Variants in FGD4 observed in about 807,000 individuals in gnomAD.
FGD4 encodes the protein FYVE, RhoGEF and PH domain containing 4.
A neutral mutation model predicts 102.0 loss-of-function variants in FGD4; 42 were observed. The ratio of observed to expected loss-of-function variants is 0.41; its 90% confidence interval spans 0.32 to 0.53. FGD4 has a LOEUF of 0.53. Among genes scored for constraint, FGD4 ranks in the 20% least tolerant of loss-of-function variants. The pLI is 0.21. For missense variants in FGD4, 902 were observed against 1,078.2 expected (o/e 0.84, Z 2.29); for synonymous variants, 380 against 375.7 (o/e 1.01, Z -0.13).
intron 1 of FGD4, among the ~76,000 whole-genome samples, chr12:32,474,797 CG>C (rs1943545031): frequency 6.6e-6 from 1 of 151,910 alleles, no homozygotes; most frequent in African/African-American, 2.4e-5. Context: ...CCCAGCTACT[CG>C]GAGGCTGAGG....
intron 1 of FGD4, among the ~76,000 whole-genome samples, chr12:32,401,480 C>T (rs1217678239): frequency 7.8e-4 from 119 of 151,912 alleles, no homozygotes; most frequent in African/African-American, 2.8e-3. Flanking sequence ...AGGCTGGTCT[C>T]GAACTCCTGA....
At chr12:32,508,186 G>A (rs561861619) in intron 1 of FGD4, among the ~76,000 whole-genome samples, 1 of 152,342 alleles carries the variant, frequency 6.6e-6, no homozygotes, top group East Asian at 1.9e-4. Flanking sequence ...AAAGCAAGGA[G>A]ATATGATGGG....
Position 32,625,362 on chromosome 12 carries a change from C to T in FGD4, c.2047-292C>T, listed in dbSNP as rs11052111. Among the ~76,000 whole-genome samples, 22,542 of 150,602 alleles carry T rather than the reference C, an allele frequency of 0.15. 1,960 individuals are homozygous for T. The highest frequency in any genetic ancestry group is 0.26 in the Middle Eastern group (76 of 294). On this transcript the variant is annotated intron_variant, in intron 13 of 16. Coordinates refer to ENST00000534526, the MANE Select transcript of FGD4 (RefSeq NM_001370298.3). The stretch of plus-strand genomic sequence containing the variant: ...TTGGCTCACTGCAAACTCCGCCTCC[C>T]GGGTTCAAGCGATTTTCCTGCCTTA...
chr12:32,531,242 C>T (rs1007033002), intron 1 of FGD4, among the ~76,000 whole-genome samples: 1 of 152,062 alleles, frequency 6.6e-6, no homozygotes, highest in African/African-American at 2.4e-5. Context: ...AGCCACTCCA[C>T]CCGGCCCTCC....
Position 32,563,249 on chromosome 12 carries a change from C to T in FGD4, c.167-888C>T, listed in dbSNP as rs529113707. ...GGGGCTCCTCACTTCTCAGACGGGG[C>T]GGTTGCCAGGCGGAGGGTCTCCTCA... is the stretch of plus-strand genomic sequence containing the variant. On this transcript the variant is annotated intron_variant, in intron 1 of 16. Transcript: ENST00000534526. Among the ~76,000 whole-genome samples the T allele has an allele frequency of 3.5e-3, 511 of 144,262 alleles. 2 individuals carry two copies. Among genetic ancestry groups the T allele is most frequent in the African/African-American group, 0.013 (486 of 38,332 alleles). 94.6% of individuals were successfully genotyped at this position (144,262 alleles called of 152,430 possible).
At chr12:32,608,898 A>T (rs888200112) in intron 8 of FGD4, among the ~76,000 whole-genome samples, 2 of 152,024 alleles carry the variant, frequency 1.3e-5, no homozygotes, top group Non-Finnish European at 1.5e-5. Flanking sequence ...TTTTCTTTTT[A>T]AATTATTATT....
intron 1 of FGD4, among the ~76,000 whole-genome samples, chr12:32,408,549 T>G (rs1941054160): frequency 6.6e-6 from 1 of 152,168 alleles, no homozygotes; most frequent in Non-Finnish European, 1.5e-5. Flanking sequence ...GTGATCCACC[T>G]GCCTCGACCT....
intron 1 of FGD4, among the ~76,000 whole-genome samples, chr12:32,557,942 A>G (rs1944251702): frequency 6.6e-6 from 1 of 152,208 alleles, no homozygotes; most frequent in Non-Finnish European, 1.5e-5. Flanking sequence ...GTTTTACAGT[A>G]GAGAAACCTG....
chr12:32,612,415 A>G (rs1055754899), intron 10 of FGD4, among the ~76,000 whole-genome samples: 1 of 152,218 alleles, frequency 6.6e-6, no homozygotes, highest in Non-Finnish European at 1.5e-5. Flanking sequence ...CCGAATGGGC[A>G]GAATGAGCCC....
chr12:32,447,011 A>T (rs1248051001), intron 1 of FGD4, among the ~76,000 whole-genome samples: 1 of 152,238 alleles, frequency 6.6e-6, no homozygotes, highest in African/African-American at 2.4e-5. Context: ...TCCAGGTAAC[A>T]AAAGGATAAG....
chr12:32,453,863 A>G (rs74072393), intron 1 of FGD4, among the ~76,000 whole-genome samples: 3,594 of 152,198 alleles, frequency 0.024, 150 homozygotes, highest in African/African-American at 0.082. Flanking sequence ...TGTTGAATGA[A>G]TGGATCAAAA....
rs1406010119 is a variant in FGD4 at position 32,501,144 on chromosome 12, T to C, written c.167-62993T>C. On this transcript the variant is annotated intron_variant, in intron 1 of 16. Coordinates refer to ENST00000534526, the MANE Select transcript of FGD4 (RefSeq NM_001370298.3). Reference sequence around the variant, plus strand: ...ATGGCTTACTACAGCCTTGGCCTCCTGGGCCCAAGCAATCCTCCCACTTCA... The same window carrying C: ...ATGGCTTACTACAGCCTTGGCCTCCCGGGCCCAAGCAATCCTCCCACTTCA... Among the ~76,000 whole-genome samples the C allele has an allele frequency of 4.6e-5, 7 of 152,338 alleles. No homozygotes were observed. The East Asian group carries it at 1.4e-3, about 29-fold the overall frequency.
At chr12:32,401,152 A>G (rs984636359) in intron 1 of FGD4, among the ~76,000 whole-genome samples, 1 of 152,234 alleles carries the variant, frequency 6.6e-6, no homozygotes, top group African/African-American at 2.4e-5. Flanking sequence ...TTATCAAATG[A>G]AAATGATTTA....
At chr12:32,547,161 G>C (rs1943290588) in intron 1 of FGD4, among the ~76,000 whole-genome samples, 1 of 152,136 alleles carries the variant, frequency 6.6e-6, no homozygotes, top group Non-Finnish European at 1.5e-5. Context: ...GGCAAGGCTG[G>C]GCACGGTGGC....
intron 1 of FGD4, among the ~76,000 whole-genome samples, chr12:32,517,116 G>A (rs1162405335): frequency 6.6e-6 from 1 of 152,160 alleles, no homozygotes; most frequent in South Asian, 2.1e-4. Flanking sequence ...CTTGTTTTGG[G>A]TGCCAGAGTA....
At chr12:32,636,393 C>A (rs1263288032) in intron 15 of FGD4, among the ~76,000 whole-genome samples, 2 of 151,974 alleles carry the variant, frequency 1.3e-5, no homozygotes, top group African/African-American at 2.4e-5. Context: ...ATTAGCCGGG[C>A]CTGGTGGCGT....
chr12:32,426,167 T>C (rs1048248524), intron 1 of FGD4, among the ~76,000 whole-genome samples: 1 of 152,200 alleles, frequency 6.6e-6, no homozygotes, highest in Non-Finnish European at 1.5e-5. Flanking sequence ...TGCTTCCAGC[T>C]TTTGCCCATT....
At chr12:32,624,056 A>C (rs1232379331) in intron 11 of FGD4, among the ~76,000 whole-genome samples, 1 of 152,222 alleles carries the variant, frequency 6.6e-6, no homozygotes, top group Non-Finnish European at 1.5e-5. Context: ...TGTGAATAGT[A>C]GCCTTTAGTA....
rs1032755432 is a variant in FGD4, at chr12:32,476,410, G to A, written c.166+76451G>A. 2.0e-5 allele frequency among the ~76,000 whole-genome samples: 3 copies of A among 152,194 alleles called. No individual in the cohort carries two copies. The South Asian group carries it at 6.2e-4, about 32-fold the overall frequency. On this transcript the variant is annotated intron_variant, in intron 1 of 16. Transcript: ENST00000534526. ...CACATCTCTGATCTGTGTGCTGACA[G>A]CTCGATTAGATTTATTTCCAAGATA... is the stretch of plus-strand genomic sequence containing the variant.
Sources: allele counts gnomAD v4.1 joint callset (sites outside exome capture counted in the v4.1 genomes callset), GRCh38; gene constraint gnomAD v4.1.1; transcripts MANE v1.5; gene names NCBI Gene and HGNC (gene_info 2026-07-23, HGNC 2026-07-21).